The following GABRA2 variants were observed in gnomAD, a reference collection of about 807,000 sequenced individuals.
The protein encoded by GABRA2 is gamma-aminobutyric acid type A receptor subunit alpha2.
A neutral mutation model predicts 48.7 loss-of-function variants in GABRA2; 16 were observed. That is an observed-to-expected ratio of 0.33 (90% CI 0.22 to 0.50). The LOEUF is 0.50. Among genes scored for constraint, GABRA2 ranks in the 20% least tolerant of loss-of-function variants. The probability of loss-of-function intolerance (pLI) is 0.98; values close to 1 mark genes in which losing one functional copy is unlikely to be tolerated. For synonymous variants in GABRA2, 185 were observed against 184.5 expected (o/e 1.00, Z -0.02); for missense variants, 275 against 535.6 (o/e 0.51, Z 4.80).
chr4:46,368,149 T>C (rs1338969335), intron 3 of GABRA2: 2 of 152,018 alleles, frequency 1.3e-5, no homozygotes, highest in African/African-American at 2.4e-5. Flanking sequence ...GTGGACAAGG[T>C]TGGATCGTGA....
chr4:46,265,432 AT>A, intron 8 of GABRA2, among the ~76,000 whole-genome samples: 1 of 144,512 alleles, frequency 6.9e-6, no homozygotes, highest in Non-Finnish European at 1.5e-5. Flanking sequence ...TTGTGTATAT[AT>A]ATATAATATA....
chr4:46,334,948 G>GT (rs1017731948), intron 3 of GABRA2, among the ~76,000 whole-genome samples: 6 of 152,104 alleles, frequency 3.9e-5, no homozygotes, highest in African/African-American at 1.4e-4. Context: ...TTAACAATGA[G>GT]TTTTTTGGTT....
chr4:46,340,107 C>T (rs947226502), intron 3 of GABRA2, among the ~76,000 whole-genome samples: 1 of 151,840 alleles, frequency 6.6e-6, no homozygotes, highest in African/African-American at 2.4e-5. Context: ...AATCCAAAGA[C>T]TTCTTACCTC....
At chr4:46,366,809 T>C (rs1714113115) in intron 3 of GABRA2, 2 of 152,138 alleles carry the variant, frequency 1.3e-5, no homozygotes, top group South Asian at 4.1e-4. Flanking sequence ...GGTATAAAAC[T>C]AACAATAGTT....
intron 3 of GABRA2, among the ~76,000 whole-genome samples, chr4:46,383,668 G>A (rs1172052951): frequency 6.6e-6 from 1 of 152,142 alleles, no homozygotes; most frequent in East Asian, 1.9e-4. Context: ...AAAAAAATTT[G>A]AGAGAAAATT....
At chr4:46,383,043 T>C (rs913891393) in intron 3 of GABRA2, among the ~76,000 whole-genome samples, 1 of 152,170 alleles carries the variant, frequency 6.6e-6, no homozygotes, top group Non-Finnish European at 1.5e-5. Flanking sequence ...CATGTGTGCA[T>C]TCAGACTAAA....
intron 3 of GABRA2, among the ~76,000 whole-genome samples, chr4:46,333,228 C>G (rs1044569148): frequency 6.6e-6 from 1 of 151,902 alleles, no homozygotes; most frequent in Non-Finnish European, 1.5e-5. Flanking sequence ...TAAAAAATAA[C>G]AGATTACTTT....
intron 8 of GABRA2, among the ~76,000 whole-genome samples, chr4:46,285,026 C>CAAAA (rs201301399): frequency 1.7e-5 from 2 of 118,512 alleles, no homozygotes; most frequent in African/African-American, 6.2e-5. Context: ...TGCTCACCCT[C>CAAAA]AAAAAAAAAA....
intron 3 of GABRA2, among the ~76,000 whole-genome samples, chr4:46,376,827 C>T (rs902049283): frequency 1.3e-5 from 2 of 152,022 alleles, no homozygotes; most frequent in Non-Finnish European, 2.9e-5. Flanking sequence ...CGAGCTGAAG[C>T]TGGACGGTAC....
In GABRA2 at chr4:46,301,937, T is replaced by TGCTTG. The variant is rs201690310; in HGVS notation, c.856+1518_856+1522dup. Among the ~76,000 whole-genome samples the TGCTTG allele has an allele frequency of 5.3e-5, 8 of 152,298 alleles. No homozygotes were observed. The East Asian group carries it at 1.2e-3, about 22-fold the overall frequency. ...AGGTAATCTACTTTGTTACAAAACGTGCTTGGCCCAATTCATATATCTATA... is the reference window on the plus strand; with the variant it reads ...AGGTAATCTACTTTGTTACAAAACGTGCTTGGCTTGGCCCAATTCATATATCTATA... On this transcript the variant is annotated intron_variant, in intron 8 of 9. Transcript: ENST00000381620.
chr4:46,312,824 T>C lies in GABRA2; in HGVS notation c.256-108A>G. The C allele has an allele frequency of 6.5e-6, 4 of 614,292 alleles. No homozygotes were observed. The South Asian group carries it at 6.7e-5, about 10-fold the overall frequency. The allele number at this position is 614,292 out of a possible 1,614,324, so 38.1% of individuals were successfully genotyped here. The stretch of plus-strand genomic sequence containing the variant: ...TTAATTTAAACAGAGAGAGCTATAT[T>C]GAAAGGAAAACATTTTTAATCAGAA... On this transcript the variant is annotated intron_variant, in intron 4 of 9. Coordinates refer to ENST00000381620, the MANE Select transcript of GABRA2 (RefSeq NM_000807.4).
At chr4:46,316,241 C>T (rs1728535805) in intron 4 of GABRA2, among the ~76,000 whole-genome samples, 1 of 151,902 alleles carries the variant, frequency 6.6e-6, no homozygotes, top group East Asian at 1.9e-4. Flanking sequence ...ACTTGTAATA[C>T]AAAGGTATAA....
At chr4:46,331,382 T>A (rs563534375) in intron 4 of GABRA2, among the ~76,000 whole-genome samples, 1 of 152,244 alleles carries the variant, frequency 6.6e-6, no homozygotes, top group African/African-American at 2.4e-5. Context: ...AACAGCATAT[T>A]TTGTAACATA....
chr4:46,381,453 G>A (rs1716746997), intron 3 of GABRA2, among the ~76,000 whole-genome samples: 1 of 152,026 alleles, frequency 6.6e-6, no homozygotes, highest in East Asian at 1.9e-4. Flanking sequence ...CAATTTTTCA[G>A]GCCCACAATG....
At chr4:46,321,780 A>G (rs1025326931) in intron 4 of GABRA2, among the ~76,000 whole-genome samples, 2 of 152,024 alleles carry the variant, frequency 1.3e-5, no homozygotes, top group Admixed American at 6.6e-5. Flanking sequence ...AATCATCTTC[A>G]AAAGATCCTT....
chr4:46,302,682 T>C (rs1161591140), intron 8 of GABRA2: 1 of 152,166 alleles, frequency 6.6e-6, no homozygotes, highest in Non-Finnish European at 1.5e-5. Context: ...GGCTCCAAAA[T>C]GCTATTCTAG....
chr4:46,368,799 G>C (rs1378683747), intron 3 of GABRA2: 2 of 417,574 alleles, frequency 4.8e-6, no homozygotes, highest in Non-Finnish European at 4.3e-6. Context: ...GGAATATCTG[G>C]CAACTCTGAT....
chr4:46,330,376 T>G (rs1317109502), intron 4 of GABRA2, among the ~76,000 whole-genome samples: 2 of 151,924 alleles, frequency 1.3e-5, no homozygotes, highest in African/African-American at 2.4e-5. Context: ...TTAAATACGT[T>G]AGCAATCCCA....
Position 46,244,255 on chromosome 4 carries a change from G to A in GABRA2, c.*6053C>T, listed in dbSNP as rs1713298486. 1 of 151,612 alleles carries A rather than the reference G, an allele frequency of 6.6e-6. No individual in the cohort carries two copies. The highest frequency in any genetic ancestry group is 1.5e-5 in the Non-Finnish European group (1 of 67,710). The allele number at this position is 151,612 out of a possible 1,614,324, so 9.4% of individuals were successfully genotyped here. On this transcript the variant is annotated 3_prime_UTR_variant, in exon 10 of 10. Coordinates refer to ENST00000381620, the MANE Select transcript of GABRA2 (RefSeq NM_000807.4). Reference sequence around the variant, plus strand: ...TTGCTTCAACGACTATGTCGAATATGTTAAAAATAAATTCTGAACAAATCT... The same window carrying A: ...TTGCTTCAACGACTATGTCGAATATATTAAAAATAAATTCTGAACAAATCT...
Sources: allele counts gnomAD v4.1 joint callset (sites outside exome capture counted in the v4.1 genomes callset), GRCh38; gene constraint gnomAD v4.1.1; transcripts MANE v1.5; gene names NCBI Gene and HGNC (gene_info 2026-07-23, HGNC 2026-07-21).